Variants in FER1L6 observed in about 807,000 individuals in gnomAD.
FER1L6 encodes fer-1 like family member 6.
Under a neutral mutation model 219.2 loss-of-function variants are expected in FER1L6, and 177 were observed. That is an observed-to-expected ratio of 0.81 (90% confidence interval 0.71 to 0.91). FER1L6 has a LOEUF of 0.91. Among genes scored for constraint, FER1L6 ranks in the 40% least tolerant of loss-of-function variants. The probability of loss-of-function intolerance (pLI) is 0.00; values close to 1 mark genes in which losing one functional copy is unlikely to be tolerated. For synonymous variants in FER1L6, 768 were observed against 824.3 expected, an observed-to-expected ratio of 0.93 and a Z score of 1.17; for missense variants, 2,153 against 2,259.9, an observed-to-expected ratio of 0.95 and a Z score of 0.96.
At chr8:124,042,659 T>C (rs1442786307) in intron 20 of FER1L6, among the ~76,000 whole-genome samples, 1 of 152,104 alleles carries the variant, frequency 6.6e-6, no homozygotes, top group African/African-American at 2.4e-5. Flanking sequence ...ATGCCCCCTT[T>C]ATGTATTTTT....
chr8:124,086,864 C>T (rs1317255410), intron 33 of FER1L6, among the ~76,000 whole-genome samples: 1 of 152,080 alleles, frequency 6.6e-6, no homozygotes, highest in Non-Finnish European at 1.5e-5. Flanking sequence ...ATATGCTATT[C>T]TAAGCTAAAA....
intron 40 of FER1L6, among the ~76,000 whole-genome samples, chr8:124,119,309 A>T (rs185887264): frequency 1.1e-4 from 16 of 152,280 alleles, no homozygotes; most frequent in Admixed American, 7.2e-4. Context: ...GAAAGACTTC[A>T]TAGAAAAGGT....
intron 1 of FER1L6, among the ~76,000 whole-genome samples, chr8:123,885,151 AAC>A (rs1023019248): frequency 1.3e-5 from 2 of 152,138 alleles, no homozygotes; most frequent in African/African-American, 4.8e-5. Flanking sequence ...CTTCAGAGGA[AAC>A]ACAGCCCTCC....
intron 16 of FER1L6, among the ~76,000 whole-genome samples, chr8:124,019,576 G>A (rs1014966400): frequency 6.6e-6 from 1 of 152,196 alleles, no homozygotes; most frequent in Non-Finnish European, 1.5e-5. Context: ...TCCTCTAGAT[G>A]CTGGGAACAA....
chr8:123,963,732 C>T (rs934265594), intron 3 of FER1L6, among the ~76,000 whole-genome samples: 13 of 152,212 alleles, frequency 8.5e-5, no homozygotes, highest in Admixed American at 6.5e-5. Flanking sequence ...TGCTCATTAT[C>T]TTAGCTTCTT....
chr8:124,098,709 T>A (rs1452771268), intron 37 of FER1L6, among the ~76,000 whole-genome samples: 1 of 152,242 alleles, frequency 6.6e-6, no homozygotes, highest in Non-Finnish European at 1.5e-5. Flanking sequence ...TAATGTATCC[T>A]GTAAATAGGT....
intron 35 of FER1L6, among the ~76,000 whole-genome samples, chr8:124,095,401 CTT>C (rs1034585266): frequency 3.9e-5 from 6 of 152,172 alleles, no homozygotes; most frequent in African/African-American, 1.4e-4. Flanking sequence ...ATTTGAAAAA[CTT>C]AACCCATTGG....
chr8:123,898,848 TACAC>T lies in FER1L6; in HGVS notation c.-8+46681_-8+46684del, dbSNP rs147446907. 1.5e-3 allele frequency among the ~76,000 whole-genome samples: 221 copies of T among 143,246 alleles called. 2 individuals carry two copies. The highest frequency in any genetic ancestry group is 5.2e-3 in the African/African-American group (200 of 38,782). The allele number at this position is 143,246 out of a possible 152,430, so 94.0% of individuals were successfully genotyped here. ...GTATATATATATATACATACATATA[TACAC>T]ACACACACACACACACATATATATA... On this transcript the variant is annotated intron_variant, in intron 1 of 40. Transcript: ENST00000522917.
intron 1 of FER1L6, among the ~76,000 whole-genome samples, chr8:123,921,832 G>A (rs926455308): frequency 6.6e-6 from 1 of 152,070 alleles, no homozygotes; most frequent in African/African-American, 2.4e-5. Context: ...AAAGGGGTTA[G>A]TGTAGAGGCC....
rs1328052089 is a variant in FER1L6 at position 124,035,397 on chromosome 8, GA to G, written c.2410del (p.Met804CysfsTer25). The part of the protein sequence containing the change: ...LDNLPVGYEA[E>X]MSSKGAGTNH... ...CAACTTGCCAGTAGGCTATGAAGCAGAAATGTCCTCCAAAGGGGCTGGCACC... is the reference window on the plus strand; with the variant it reads ...CAACTTGCCAGTAGGCTATGAAGCAGAATGTCCTCCAAAGGGGCTGGCACC... On this transcript the variant is annotated frameshift_variant, in exon 19 of 41. Transcript: ENST00000522917. LOFTEE classifies it high-confidence loss of function. 16 of 1,613,870 alleles carry G rather than the reference GA, an allele frequency of 9.9e-6. No individual in the cohort carries two copies. The highest frequency in any genetic ancestry group is 1.3e-5 in the Non-Finnish European group (15 of 1,179,986).
At chr8:123,877,761 C>A (rs1426390468) in intron 1 of FER1L6, among the ~76,000 whole-genome samples, 1 of 139,224 alleles carries the variant, frequency 7.2e-6, no homozygotes, top group African/African-American at 2.8e-5. Context: ...CTCTACCAGT[C>A]CCTGCAAAAA....
At chr8:124,078,275 G>A (rs1387595350) in intron 32 of FER1L6, among the ~76,000 whole-genome samples, 4 of 152,096 alleles carry the variant, frequency 2.6e-5, no homozygotes, top group Non-Finnish European at 5.9e-5. Context: ...CTATCTCCAC[G>A]TCATCTTGAT....
At chr8:124,007,307 C>G (rs575646727) in intron 13 of FER1L6, among the ~76,000 whole-genome samples, 1 of 152,158 alleles carries the variant, frequency 6.6e-6, no homozygotes, top group Non-Finnish European at 1.5e-5. Context: ...CCTCTCCCCC[C>G]CCTACCTTCT....
intron 34 of FER1L6, among the ~76,000 whole-genome samples, chr8:124,094,231 G>C (rs1168347752): frequency 1.3e-5 from 2 of 152,044 alleles, no homozygotes; most frequent in Admixed American, 6.5e-5. Flanking sequence ...CAGTATGTTA[G>C]CAAACAGTTT....
chr8:124,063,491 T>TC (rs371490155), intron 25 of FER1L6, among the ~76,000 whole-genome samples: 134 of 152,340 alleles, frequency 8.8e-4, no homozygotes, highest in African/African-American at 3.0e-3. Context: ...GCTGCAGTTT[T>TC]CTCCACATAG....
intron 16 of FER1L6, among the ~76,000 whole-genome samples, chr8:124,019,764 A>G (rs1818374332): frequency 6.6e-6 from 1 of 152,272 alleles, no homozygotes; most frequent in Middle Eastern, 3.2e-3. Flanking sequence ...TGATTAAGAC[A>G]GAAGATAGAT....
At chr8:123,978,913 A>G (rs1310552955) in intron 10 of FER1L6, among the ~76,000 whole-genome samples, 1 of 152,236 alleles carries the variant, frequency 6.6e-6, no homozygotes, top group Non-Finnish European at 1.5e-5. Context: ...TCTATACAAT[A>G]TCTCAGCTAG....
chr8:123,875,705 C>T (rs934040911), intron 1 of FER1L6, among the ~76,000 whole-genome samples: 193 of 152,200 alleles, frequency 1.3e-3, no homozygotes, highest in African/African-American at 4.4e-3. Flanking sequence ...CCCATATATG[C>T]TCTTCTAAAT....
At chr8:124,108,934 A>T (rs1247789552) in intron 39 of FER1L6, among the ~76,000 whole-genome samples, 1 of 152,174 alleles carries the variant, frequency 6.6e-6, no homozygotes, top group Non-Finnish European at 1.5e-5. Context: ...TAGAACCTCT[A>T]GCAACATACT....
Sources: allele counts gnomAD v4.1 joint callset (sites outside exome capture counted in the v4.1 genomes callset), GRCh38; gene constraint gnomAD v4.1.1; transcripts MANE v1.5; gene names NCBI Gene and HGNC (gene_info 2026-07-23, HGNC 2026-07-21).